Variants in RABGAP1 observed in about 807,000 individuals in gnomAD.
The protein encoded by RABGAP1 is rab GTPase-activating protein 1.
In RABGAP1, 23 loss-of-function variants were observed where a neutral mutation model predicts 137.6. The ratio of observed to expected loss-of-function variants is 0.17; its 90% CI spans 0.12 to 0.24. The LOEUF is 0.24. Ranked by LOEUF, RABGAP1 falls within the 10% of genes least tolerant of loss-of-function variation. The pLI is 1.00. For missense variants in RABGAP1, 906 were observed against 1,275.8 expected, an observed-to-expected ratio of 0.71 and a Z score of 4.42; for synonymous variants, 451 against 450.7, an observed-to-expected ratio of 1.00 and a Z score of -0.01.
intron 19 of RABGAP1, among the ~76,000 whole-genome samples, chr9:123,077,997 C>T (rs1176558256): frequency 6.6e-6 from 1 of 152,118 alleles, no homozygotes; most frequent in African/African-American, 2.4e-5. Context: ...AGTAGCTCAA[C>T]TAGTGTGTGT....
intron 1 of RABGAP1, among the ~76,000 whole-genome samples, chr9:122,951,555 G>A (rs542151001): frequency 6.6e-6 from 1 of 152,030 alleles, no homozygotes; most frequent in South Asian, 2.1e-4. Context: ...CTTAAGAGGA[G>A]ATTGAGAATG....
intron 10 of RABGAP1, among the ~76,000 whole-genome samples, chr9:123,005,964 A>T (rs1244782028): frequency 3.3e-5 from 5 of 152,170 alleles, no homozygotes; most frequent in Non-Finnish European, 4.4e-5. Flanking sequence ...GTTTTAGTTT[A>T]TCCTCTGCCT....
chr9:123,039,820 A>T (rs1005502430), intron 13 of RABGAP1, among the ~76,000 whole-genome samples: 17 of 152,178 alleles, frequency 1.1e-4, no homozygotes, highest in African/African-American at 3.9e-4. Flanking sequence ...GAAAGCCTTG[A>T]TGAAAGAAAC....
chr9:122,960,981 C>A, intron 2 of RABGAP1, among the ~76,000 whole-genome samples: 1 of 151,502 alleles, frequency 6.6e-6, no homozygotes. Flanking sequence ...ACTCAAAGAA[C>A]ATGAAGAAAA....
intron 2 of RABGAP1, among the ~76,000 whole-genome samples, chr9:122,965,004 A>C (rs1183584205): frequency 6.6e-6 from 1 of 152,158 alleles, no homozygotes. Context: ...CTCTACTTAG[A>C]AAAAAAGATT....
At chr9:122,977,099 G>A (rs1835800806) in intron 2 of RABGAP1, among the ~76,000 whole-genome samples, 1 of 152,158 alleles carries the variant, frequency 6.6e-6, no homozygotes, top group South Asian at 2.1e-4. Context: ...TGGGCATTGA[G>A]GAACCATGGA....
intron 13 of RABGAP1, chr9:123,029,851 A>G (rs1403744891): frequency 5.5e-6 from 2 of 362,618 alleles, no homozygotes; most frequent in African/African-American, 4.2e-5. Context: ...GGTAGTTGAC[A>G]CTAATGCCCA....
At chr9:122,995,170 A>G (rs1283500370) in intron 6 of RABGAP1, among the ~76,000 whole-genome samples, 1 of 151,880 alleles carries the variant, frequency 6.6e-6, no homozygotes, top group Non-Finnish European at 1.5e-5. Context: ...ATGTTTATTA[A>G]CCTTATCACT....
intron 13 of RABGAP1, among the ~76,000 whole-genome samples, chr9:123,054,099 C>T (rs1040000308): frequency 1.3e-5 from 2 of 152,166 alleles, no homozygotes; most frequent in Non-Finnish European, 2.9e-5. Context: ...CTATTTCCTT[C>T]GATTTTTATC....
chr9:122,971,702 A>C (rs1402921676), intron 2 of RABGAP1: 2 of 152,250 alleles, frequency 1.3e-5, no homozygotes, highest in Admixed American at 1.3e-4. Flanking sequence ...TATGTTAAAC[A>C]GCAAATTACA....
chr9:123,056,258 A>T (rs1246528253), intron 13 of RABGAP1, among the ~76,000 whole-genome samples: 4 of 152,242 alleles, frequency 2.6e-5, no homozygotes, highest in Non-Finnish European at 5.9e-5. Flanking sequence ...CAGTTAGAAT[A>T]GGATGGAGTC....
At chr9:122,933,440 A>AATAATT in the RABGAP1 span, among the ~76,000 whole-genome samples, 4 of 146,054 alleles carry the variant, frequency 2.7e-5, no homozygotes, top group African/African-American at 1.0e-4. Flanking sequence ...TTTTTCATTA[A>AATAATT]ATTATTATTA....
At chr9:122,941,004 G>GGGGCGGGGACA (rs1833513080), upstream of RABGAP1, 1 of 139,806 alleles carries the variant, frequency 7.2e-6, no homozygotes, top group Non-Finnish European at 1.6e-5. Context: ...AAGGGGTGGG[G>GGGGCGGGGACA]GGGCGGGGAC....
intron 11 of RABGAP1, among the ~76,000 whole-genome samples, chr9:123,014,697 T>G (rs953559218): frequency 4.0e-5 from 6 of 149,142 alleles, no homozygotes; most frequent in Non-Finnish European, 7.4e-5. Context: ...AGTCTTGGTC[T>G]GTTGCCCATG....
intron 1 of RABGAP1, among the ~76,000 whole-genome samples, chr9:122,949,925 G>A (rs1834142149): frequency 6.6e-6 from 1 of 152,162 alleles, no homozygotes; most frequent in Non-Finnish European, 1.5e-5. Flanking sequence ...TGAGCAAGCA[G>A]CATATGAAAA....
chr9:123,037,419 G>C (rs540513856), intron 13 of RABGAP1, among the ~76,000 whole-genome samples: 12 of 152,204 alleles, frequency 7.9e-5, no homozygotes, highest in African/African-American at 2.9e-4. Flanking sequence ...ATTCTAAGCT[G>C]CTTCAAAATT....
chr9:122,954,264 T>G (rs1279416284), intron 1 of RABGAP1, among the ~76,000 whole-genome samples: 6 of 152,160 alleles, frequency 3.9e-5, no homozygotes. Context: ...GGTGGTTTTA[T>G]CTATGTTTGT....
At chr9:122,990,836 T>TATATATATATATA (rs1836685884) in intron 6 of RABGAP1, 1 of 110,280 alleles carries the variant, frequency 9.1e-6, no homozygotes, top group African/African-American at 3.8e-5. Flanking sequence ...TATATATATA[T>TATATATATATATA]GGCCAAAGCT....
intron 4 of RABGAP1, among the ~76,000 whole-genome samples, chr9:122,987,554 T>C (rs1301361367): frequency 6.6e-6 from 1 of 152,168 alleles, no homozygotes; most frequent in Non-Finnish European, 1.5e-5. Context: ...CATCTTGTAC[T>C]TAGTTTTATA....
Sources: allele counts gnomAD v4.1 joint callset (sites outside exome capture counted in the v4.1 genomes callset), GRCh38; gene constraint gnomAD v4.1.1; transcripts MANE v1.5; gene names NCBI Gene and HGNC (gene_info 2026-07-23, HGNC 2026-07-21).